Variants in MOB3A observed in about 807,000 individuals in gnomAD.
The protein encoded by MOB3A is MOB LAK.
In MOB3A, 17 loss-of-function variants were observed where a neutral mutation model predicts 17.8. The ratio of observed to expected loss-of-function variants is 0.95; its 90% CI spans 0.65 to 1.43. The LOEUF (loss-of-function observed/expected upper bound fraction) is 1.43, where lower values mean the gene tolerates loss of function less well. Ranked by LOEUF, MOB3A falls within the 40% of genes most tolerant of loss-of-function variation. MOB3A has a pLI of 0.00. For synonymous variants in MOB3A, 124 were observed against 133.2 expected (o/e 0.93, Z 0.48); for missense variants, 333 against 310.8 (o/e 1.07, Z -0.54).
rs781652249 is a variant in MOB3A at position 2,078,198 on chromosome 19, C to T, written c.363G>A (p.Leu121=). 9 of 1,607,272 alleles carry T rather than the reference C, an allele frequency of 5.6e-6. No individual in the cohort carries two copies. In the East Asian group the frequency reaches 2.0e-4, roughly 36 times the overall value. The part of the protein sequence containing the change: ...TALSAPRYMD[L]LMDWIEAQIN... ...TCTGCGCCTCGATCCAGTCCATCAGCAGGTCCATGTACCTGGGCGCGGAGA... is the reference window on the plus strand; with the variant it reads ...TCTGCGCCTCGATCCAGTCCATCAGTAGGTCCATGTACCTGGGCGCGGAGA... The change falls in exon 3 of 5, where the codon CTG becomes CTA. Residue 121 remains leucine (L), a synonymous_variant. Transcript: ENST00000357066.
In MOB3A at chr19:2,093,713, C is replaced by T. The variant is rs932071378; in HGVS notation, c.-274+2513G>A. ...ACAGCCACAGGTAGTAAGCTCAGCT[C>T]CAGAGTTAAAAGAGAAAAATCAACC... On this transcript the variant is annotated intron_variant, in intron 1 of 4. Transcript: ENST00000357066. This position sits in a 1 kb window ranked among gnomAD's most constrained non-coding sequence, Gnocchi z 4.6. Among the ~76,000 whole-genome samples the T allele has an allele frequency of 6.6e-6, 1 of 152,102 alleles. No individual in the cohort carries two copies. Among genetic ancestry groups the T allele is most frequent in the African/African-American group, 2.4e-5 (1 of 41,406 alleles).
At chr19:2,073,502 C>T (rs761245581) in intron 4 of MOB3A, 78 bp from the exon 5 acceptor site, 129 of 1,593,210 alleles carry the variant, frequency 8.1e-5, no homozygotes, top group Non-Finnish European at 7.1e-5. Flanking sequence ...CACACGGAGA[C>T]GCACAGGCAG....
At chr19:2,078,753 C>A in intron 2 of MOB3A, 74 bp from the exon 3 acceptor site, 2 of 566,476 alleles carry the variant, frequency 3.5e-6, no homozygotes, top group Non-Finnish European at 3.0e-6. Flanking sequence ...AGGGCACAAG[C>A]GGCAGGATTT....
Position 2,085,182 on chromosome 19 carries a change from G to A in MOB3A, c.-127C>T, listed in dbSNP as rs992848227. The stretch of plus-strand genomic sequence containing the variant: ...AGGCCGGGGGCAGGTTACCGTGTCT[G>A]GGGCTCCCTCCGCTCTGCTCTTCTC... On this transcript the variant is annotated 5_prime_UTR_variant, in exon 2 of 5. Coordinates refer to ENST00000357066, the MANE Select transcript of MOB3A (RefSeq NM_130807.3). The A allele has an allele frequency of 2.0e-5, 3 of 152,030 alleles. No individual in the cohort carries two copies. Among genetic ancestry groups the A allele is most frequent in the African/African-American group, 7.2e-5 (3 of 41,382 alleles). The allele number at this position is 152,030 out of a possible 1,614,324, so 9.4% of individuals were successfully genotyped here.
chr19:2,076,733 C>T, intron 4 of MOB3A, 78 bp downstream of exon 4: 1 of 1,474,264 alleles, frequency 6.8e-7, no homozygotes, highest in Non-Finnish European at 9.3e-7. Context: ...AGTCAGGGTC[C>T]TGGCCCCGGA....
intron 1 of MOB3A, among the ~76,000 whole-genome samples, chr19:2,088,661 G>A (rs1233659436): frequency 1.3e-5 from 2 of 152,012 alleles, no homozygotes. Flanking sequence ...GTAGAGACAG[G>A]GTTTCACCAT....
chr19:2,088,987 C>G (rs2017583765), intron 1 of MOB3A, among the ~76,000 whole-genome samples: 1 of 152,192 alleles, frequency 6.6e-6, no homozygotes, highest in Non-Finnish European at 1.5e-5. Flanking sequence ...GTCAGAGGCT[C>G]AAACGTGTAT....
chr19:2,094,324 G>A (rs1419816247), intron 1 of MOB3A, among the ~76,000 whole-genome samples: 1 of 152,152 alleles, frequency 6.6e-6, no homozygotes, highest in Non-Finnish European at 1.5e-5. Context: ...TGGGATCACA[G>A]GCACGAACGA....
At chr19:2,084,352 G>C (rs982412332) in intron 2 of MOB3A, 1 of 335,170 alleles carries the variant, frequency 3.0e-6, no homozygotes, top group Non-Finnish European at 5.9e-6. Flanking sequence ...AAACTAGCCG[G>C]GTGTGGTGGC....
At chr19:2,076,146 AG>A (rs1345611784) in intron 4 of MOB3A, among the ~76,000 whole-genome samples, 4 of 146,428 alleles carry the variant, frequency 2.7e-5, no homozygotes, top group African/African-American at 7.4e-5. Context: ...AAAAAAAAAA[AG>A]GCCAGGCACA....
intron 3 of MOB3A, 59 bp from the exon 4 acceptor site, chr19:2,077,072 T>A: frequency 6.8e-7 from 1 of 1,473,748 alleles, no homozygotes; most frequent in Non-Finnish European, 9.3e-7. Flanking sequence ...TCCAGAACCC[T>A]TTGCTCCTGG....
At chr19:2,079,402 G>A (rs1010403192) in intron 2 of MOB3A, among the ~76,000 whole-genome samples, 7 of 152,248 alleles carry the variant, frequency 4.6e-5, no homozygotes, top group Non-Finnish European at 7.3e-5. Flanking sequence ...AAGGTCTCAA[G>A]GGACGTCATC....
chr19:2,089,600 A>C (rs1035388276), intron 1 of MOB3A, among the ~76,000 whole-genome samples: 1 of 150,662 alleles, frequency 6.6e-6, no homozygotes, highest in Admixed American at 6.6e-5. Context: ...CCCCCAAGAG[A>C]CTCCGTGGCC....
intron 4 of MOB3A, among the ~76,000 whole-genome samples, chr19:2,076,562 G>C (rs2017411462): frequency 6.6e-6 from 1 of 152,254 alleles, no homozygotes; most frequent in South Asian, 2.1e-4. Context: ...GGCGGAGTGA[G>C]CTGGACGCGG....
intron 1 of MOB3A, among the ~76,000 whole-genome samples, chr19:2,086,426 T>C: frequency 6.6e-6 from 1 of 151,954 alleles, no homozygotes; most frequent in East Asian, 1.9e-4. Context: ...AGTGGCGTGA[T>C]CTCGGCTCAC....
At chr19:2,075,481 A>C (rs567351406) in intron 4 of MOB3A, among the ~76,000 whole-genome samples, 2 of 152,262 alleles carry the variant, frequency 1.3e-5, no homozygotes, top group South Asian at 4.1e-4. Context: ...ACACAATAAA[A>C]AATCAGCCGG....
intron 2 of MOB3A, among the ~76,000 whole-genome samples, chr19:2,081,390 T>C (rs372752061): frequency 3.0e-4 from 44 of 146,648 alleles, no homozygotes; most frequent in East Asian, 6.2e-4. Context: ...GAATTCGAGA[T>C]CAGCCTGGCC....
chr19:2,078,522 G>A lies in MOB3A; in HGVS notation c.39C>T (p.Asp13=). ...ACTTGCGCTTGGGGCGGAATGTCTT[G>A]TCCTTGTTGAAGACTTGCTTCAGGA... ...NPFLKQVFNK[D]KTFRPKRKFE... Residue 13 remains aspartate, a synonymous_variant, in exon 3 of 5, where the codon GAC becomes GAT. Coordinates refer to ENST00000357066, the MANE Select transcript of MOB3A (RefSeq NM_130807.3). The A allele has an allele frequency of 6.3e-7, 1 of 1,593,848 alleles. No homozygotes were observed. The highest frequency in any genetic ancestry group is 8.6e-7 in the Non-Finnish European group (1 of 1,166,564).
rs1039500998 is a variant in MOB3A at position 2,074,904 on chromosome 19, C to T, written c.625-1480G>A. On this transcript the variant is annotated intron_variant, in intron 4 of 4. Transcript: ENST00000357066. ...AGCTAATTTTTTGTATTTTTAGTAG[C>T]GATGGGGTTTCACCATGTTGGCCAG... Among the ~76,000 whole-genome samples the T allele has an allele frequency of 5.9e-5, 9 of 151,936 alleles. No homozygotes were observed. The South Asian group carries it at 1.7e-3, about 28-fold the overall frequency.
Sources: gnomAD v4.1 joint callset for allele counts (sites outside exome capture counted in the v4.1 genomes callset) on GRCh38, gnomAD v4.1.1 for gene constraint, Gnocchi (gnomAD v3.1) non-coding constraint, MANE v1.5 for transcripts, NCBI Gene and HGNC (gene_info 2026-07-23, HGNC 2026-07-21) for gene names.